The following RIPOR2 variants were observed in gnomAD, a reference collection of about 807,000 sequenced individuals.
RIPOR2 encodes the protein RHO family interacting cell polarization regulator 2.
In RIPOR2, 39 loss-of-function variants were observed where a neutral mutation model predicts 114.5. The ratio of observed to expected loss-of-function variants is 0.34; its 90% CI spans 0.26 to 0.44. The LOEUF is 0.44. RIPOR2 is among the 20% of genes least tolerant of loss of function. The pLI is 1.00. For missense variants in RIPOR2, 1,007 were observed against 1,255.1 expected (o/e 0.80, Z 2.99); for synonymous variants, 445 against 484.4 (o/e 0.92, Z 1.07).
chr6:24,934,046 T>A (rs530732980), intron 1 of RIPOR2, among the ~76,000 whole-genome samples: 162 of 152,308 alleles, frequency 1.1e-3, no homozygotes, highest in African/African-American at 2.7e-3. Flanking sequence ...GAGGGCGCTC[T>A]TAAGTATCAT....
Position 25,005,739 on chromosome 6 carries a change from A to G in RIPOR2, c.76+36112T>C, listed in dbSNP as rs570204037. Among the ~76,000 whole-genome samples the G allele has an allele frequency of 3.8e-5, 3 of 79,672 alleles. No individual in the cohort carries two copies. In the Admixed American group the frequency reaches 4.1e-4, roughly 11 times the overall value. 52.3% of individuals were successfully genotyped at this position (79,672 alleles called of 152,430 possible). A position where few individuals can be genotyped will look rare whatever the true frequency, so the allele number is the denominator to read the frequency against. On this transcript the variant is annotated intron_variant, in intron 1 of 13. Transcript: ENST00000510784. Reference sequence around the variant, plus strand: ...TATATATATATATATATATATATATATACATTTACCGATCAAAAGATATGC... The same window carrying G: ...TATATATATATATATATATATATATGTACATTTACCGATCAAAAGATATGC...
intron 1 of RIPOR2, among the ~76,000 whole-genome samples, chr6:24,943,792 C>A (rs1772265968): frequency 6.6e-6 from 1 of 152,088 alleles, no homozygotes; most frequent in South Asian, 2.1e-4. Flanking sequence ...AAAGCTTCTT[C>A]AAAGTCCCAT....
intron 1 of RIPOR2, among the ~76,000 whole-genome samples, chr6:24,951,591 C>T (rs1266695227): frequency 6.6e-6 from 1 of 152,188 alleles, no homozygotes; most frequent in Admixed American, 6.5e-5. Flanking sequence ...GCTTCTGCTA[C>T]TCTAGTTGTT....
At chr6:24,981,031 G>A (rs1164313972) in intron 1 of RIPOR2, among the ~76,000 whole-genome samples, 1 of 152,158 alleles carries the variant, frequency 6.6e-6, no homozygotes, top group African/African-American at 2.4e-5. Flanking sequence ...ACAAGGGTGG[G>A]TCTCAAATAG....
intron 1 of RIPOR2, among the ~76,000 whole-genome samples, chr6:24,979,187 G>A (rs1011186241): frequency 2.0e-5 from 3 of 151,296 alleles, no homozygotes; most frequent in Non-Finnish European, 4.4e-5. Flanking sequence ...AGGTTGCAAA[G>A]ATCCCCTCTC....
At chr6:24,994,272 G>C (rs1247695615) in intron 1 of RIPOR2, among the ~76,000 whole-genome samples, 2 of 152,120 alleles carry the variant, frequency 1.3e-5, no homozygotes, top group Non-Finnish European at 1.5e-5. Flanking sequence ...GAAGAGAGAA[G>C]ACTAAGCTTC....
At chr6:24,959,460 T>C (rs1317152809) in intron 1 of RIPOR2, among the ~76,000 whole-genome samples, 1 of 152,204 alleles carries the variant, frequency 6.6e-6, no homozygotes, top group African/African-American at 2.4e-5. Flanking sequence ...TAGGAAAGAT[T>C]GCTTTAATAG....
chr6:24,929,744 A>T (rs1200235584), intron 1 of RIPOR2, among the ~76,000 whole-genome samples: 1 of 152,198 alleles, frequency 6.6e-6, no homozygotes, highest in East Asian at 1.9e-4. Flanking sequence ...AATAAATGAG[A>T]AGTTGAATAA....
At chr6:24,885,027 A>C (rs1234439175) in intron 1 of RIPOR2, among the ~76,000 whole-genome samples, 2 of 152,184 alleles carry the variant, frequency 1.3e-5, no homozygotes, top group Non-Finnish European at 1.5e-5. Context: ...TATTAAGTAT[A>C]TATTATATGC....
intron 1 of RIPOR2, among the ~76,000 whole-genome samples, chr6:24,957,296 T>C (rs1033926319): frequency 6.6e-6 from 1 of 152,232 alleles, no homozygotes; most frequent in Non-Finnish European, 1.5e-5. Flanking sequence ...ACAAATATTA[T>C]CTTATTTAAT....
At chr6:24,982,302 A>C (rs1420829906) in intron 1 of RIPOR2, among the ~76,000 whole-genome samples, 1 of 152,256 alleles carries the variant, frequency 6.6e-6, no homozygotes, top group Non-Finnish European at 1.5e-5. Context: ...TGGTTGTTCT[A>C]CTTCCAGGAT....
intron 1 of RIPOR2, among the ~76,000 whole-genome samples, chr6:24,914,644 C>T (rs1769929750): frequency 6.6e-6 from 1 of 152,160 alleles, no homozygotes. Context: ...GAACTGTATC[C>T]CATTCTCCTC....
chr6:24,910,241 C>T (rs1413142170), intron 1 of RIPOR2, among the ~76,000 whole-genome samples: 1 of 152,152 alleles, frequency 6.6e-6, no homozygotes, highest in Non-Finnish European at 1.5e-5. Flanking sequence ...TGCCCCTCTT[C>T]CCAATTCTCA....
chr6:24,806,597 G>A, intron 21 of RIPOR2, 124 bp from the exon 22 acceptor site: 1 of 644,488 alleles, frequency 1.6e-6, no homozygotes, highest in Non-Finnish European at 2.5e-6. Context: ...CTTTTGGTAA[G>A]GAAAAGTTAT....
intron 1 of RIPOR2, among the ~76,000 whole-genome samples, chr6:24,942,289 G>A (rs1314491282): frequency 3.3e-5 from 5 of 151,960 alleles, no homozygotes; most frequent in Admixed American, 3.3e-4. Flanking sequence ...TGATACTATG[G>A]GATCAAGAAA....
intron 13 of RIPOR2, chr6:24,840,650 A>C: frequency 1.3e-6 from 2 of 1,532,990 alleles, no homozygotes; most frequent in Non-Finnish European, 1.7e-6. Flanking sequence ...GACACTCAAG[A>C]TGGCACAAAA....
At chr6:24,877,597 G>A (rs1765927148) in intron 1 of RIPOR2, among the ~76,000 whole-genome samples, 1 of 152,102 alleles carries the variant, frequency 6.6e-6, no homozygotes, top group Non-Finnish European at 1.5e-5. Flanking sequence ...CAGCCTCAAG[G>A]CTCAAAAAAC....
chr6:25,024,244 T>A (rs1776489357), intron 1 of RIPOR2: 1 of 1,533,458 alleles, frequency 6.5e-7, no homozygotes, highest in Admixed American at 1.7e-5. Context: ...TACAGTGTGC[T>A]GGACTGGATG....
chr6:24,927,094 C>CATCACCACCACCACAACTACA (rs1561782185), intron 1 of RIPOR2, among the ~76,000 whole-genome samples: 1,341 of 1,904 alleles, frequency 0.7, 624 homozygotes, highest in East Asian at 0.98. Flanking sequence ...TCACCACCAC[C>CATCACCACCACCACAACTACA]ATCACCACCA....
Sources: allele counts gnomAD v4.1 joint callset (sites outside exome capture counted in the v4.1 genomes callset), GRCh38; gene constraint gnomAD v4.1.1; transcripts MANE v1.5; gene names NCBI Gene and HGNC (gene_info 2026-07-23, HGNC 2026-07-21).